SIMC1: variants seen among roughly 807,000 people sequenced by gnomAD.
The protein encoded by SIMC1 is SUMO-interacting motif-containing protein 1.
A neutral mutation model predicts 82.3 loss-of-function variants in SIMC1; 55 were observed. The ratio of observed to expected loss-of-function variants is 0.67; its 90% confidence interval spans 0.54 to 0.84. The LOEUF (loss-of-function observed/expected upper bound fraction) is 0.84, where lower values mean the gene tolerates loss of function less well. Among genes scored for constraint, SIMC1 ranks in the 40% least tolerant of loss-of-function variants. The pLI is 0.00. For synonymous variants in SIMC1, 353 were observed against 426.3 expected, an observed-to-expected ratio of 0.83 and a Z score of 2.12; for missense variants, 915 against 1,107.2, an observed-to-expected ratio of 0.83 and a Z score of 2.46.
intron 9 of SIMC1, among the ~76,000 whole-genome samples, chr5:176,343,961 A>T (rs1766275274): frequency 1.3e-5 from 2 of 151,526 alleles, no homozygotes; most frequent in Admixed American, 1.3e-4. Flanking sequence ...TGCCCAGCTA[A>T]TTTTTTTGTA....
chr5:176,336,658 T>A, intron 7 of SIMC1, 62 bp from the exon 8 acceptor site: 1 of 1,580,992 alleles, frequency 6.3e-7, no homozygotes, highest in Non-Finnish European at 8.6e-7. Context: ...GGGTGAATTG[T>A]GGCTCATGTT....
rs1355859927 is a variant in SIMC1, at chr5:176,290,400, G to A, written c.876G>A (p.Leu292=). The change falls in exon 2 of 10, where the codon CTG becomes CTA. Residue 292 remains leucine, a synonymous_variant. Coordinates refer to ENST00000429602, the MANE Select transcript of SIMC1 (RefSeq NM_001308195.2). ...GCCTACCTCAAGATGTGCCAGGGCT[G>A]CCTCAAAGCATATTACATCCACAAG... The part of the protein sequence containing the change: ...SLGLPQDVPG[L]PQSILHPQDV... 6.2e-7 allele frequency: 1 copy of A among 1,613,982 alleles called. No individual in the cohort carries two copies. The highest frequency in any genetic ancestry group is 2.2e-5 in the East Asian group (1 of 44,890).
chr5:176,317,218 G>A (rs952306804), intron 5 of SIMC1, among the ~76,000 whole-genome samples: 4 of 152,108 alleles, frequency 2.6e-5, no homozygotes, highest in African/African-American at 9.7e-5. Context: ...ACAATTTATT[G>A]TATGTAAATT....
chr5:176,308,904 G>A (rs1713601139), intron 4 of SIMC1: 7 of 1,310,466 alleles, frequency 5.3e-6, no homozygotes, highest in Non-Finnish European at 4.4e-6. Context: ...GCAGTCAGCG[G>A]GCCTCTTCTA....
intron 5 of SIMC1, 39 bp downstream of exon 5, chr5:176,313,884 G>C: frequency 6.2e-7 from 1 of 1,608,004 alleles, no homozygotes; most frequent in African/African-American, 1.3e-5. Flanking sequence ...GAAGAGGTAA[G>C]GGATTATAGG....
chr5:176,340,872 C>T (rs1252365770), intron 9 of SIMC1, among the ~76,000 whole-genome samples: 11 of 152,184 alleles, frequency 7.2e-5, no homozygotes, highest in South Asian at 4.1e-4. Flanking sequence ...GTAGGCGGGG[C>T]GCAAGGGCTC....
At chr5:176,256,119 T>G (rs1315530405) in intron 1 of SIMC1, among the ~76,000 whole-genome samples, 1 of 152,110 alleles carries the variant, frequency 6.6e-6, no homozygotes, top group Non-Finnish European at 1.5e-5. Flanking sequence ...AAACTGATAT[T>G]AGAGAAAGGA....
intron 1 of SIMC1, among the ~76,000 whole-genome samples, chr5:176,284,567 A>T (rs1459838233): frequency 2.0e-5 from 3 of 152,232 alleles, no homozygotes; most frequent in Non-Finnish European, 1.5e-5. Context: ...CCGCAAGAGA[A>T]AGCAGGAAAG....
chr5:176,273,610 C>T (rs766992637), intron 1 of SIMC1, among the ~76,000 whole-genome samples: 1 of 152,140 alleles, frequency 6.6e-6, no homozygotes, highest in Non-Finnish European at 1.5e-5. Context: ...CCCAGTAACT[C>T]GTCATCTAGC....
intron 1 of SIMC1, among the ~76,000 whole-genome samples, chr5:176,240,435 C>T (rs1761244083): frequency 9.8e-6 from 1 of 101,670 alleles, no homozygotes; most frequent in Admixed American, 9.7e-5. Context: ...CGTACATGGG[C>T]GTAGTCTCTC....
intron 1 of SIMC1, among the ~76,000 whole-genome samples, chr5:176,265,304 G>A (rs1002715962): frequency 5.5e-5 from 8 of 146,736 alleles, no homozygotes; most frequent in South Asian, 2.2e-4. Flanking sequence ...GATTCTGACC[G>A]AAACTAATTT....
intron 7 of SIMC1, 86 bp downstream of exon 7, chr5:176,324,843 T>G (rs899603555): frequency 7.0e-7 from 1 of 1,426,968 alleles, no homozygotes; most frequent in East Asian, 2.5e-5. Flanking sequence ...AAATTAACTT[T>G]TCTATCTATG....
chr5:176,340,873 G>A lies in SIMC1; in HGVS notation c.2413+3727G>A, dbSNP rs192339405. ...ATCTAAGACATTAAGTAGGCGGGGC[G>A]CAAGGGCTCACCCCTGTAATCCTAA... On this transcript the variant is annotated intron_variant, in intron 9 of 9. Transcript: ENST00000429602. Among the ~76,000 whole-genome samples, 469 of 152,330 alleles carry A rather than the reference G, an allele frequency of 3.1e-3. 6 individuals are homozygous for A. The highest frequency in any genetic ancestry group is 3.5e-3 in the Non-Finnish European group (238 of 68,036).
intron 4 of SIMC1, among the ~76,000 whole-genome samples, chr5:176,300,949 T>C (rs1310852756): frequency 6.6e-6 from 1 of 152,098 alleles, no homozygotes; most frequent in African/African-American, 2.4e-5. Context: ...GAATCAGTAA[T>C]CAAAAACCTT....
intron 2 of SIMC1, among the ~76,000 whole-genome samples, chr5:176,291,575 A>G (rs867187153): frequency 5.9e-5 from 9 of 151,738 alleles, no homozygotes; most frequent in Non-Finnish European, 5.9e-5. Context: ...TGACCTCGTG[A>G]TCCACCCGCC....
intron 1 of SIMC1, among the ~76,000 whole-genome samples, chr5:176,258,395 T>G (rs1302677388): frequency 6.6e-6 from 1 of 150,652 alleles, no homozygotes; most frequent in African/African-American, 2.4e-5. Flanking sequence ...ACCGCTTGTC[T>G]CCATCTTTAA....
At chr5:176,306,782 C>T (rs917305795) in intron 4 of SIMC1, among the ~76,000 whole-genome samples, 3 of 151,290 alleles carry the variant, frequency 2.0e-5, no homozygotes, top group Admixed American at 6.6e-5. Flanking sequence ...CTGCGGAGGC[C>T]GCAGGGTCCT....
chr5:176,281,647 G>A (rs1381490894), intron 1 of SIMC1, among the ~76,000 whole-genome samples: 1 of 152,202 alleles, frequency 6.6e-6, no homozygotes, highest in Non-Finnish European at 1.5e-5. Context: ...CCTTCTAACA[G>A]ACAGGACCCT....
intron 1 of SIMC1, among the ~76,000 whole-genome samples, chr5:176,282,923 A>G (rs1763081011): frequency 6.6e-6 from 1 of 152,262 alleles, no homozygotes; most frequent in Non-Finnish European, 1.5e-5. Context: ...AAAGGGTATC[A>G]GTGATTGAAG....
Sources: gnomAD v4.1 joint callset for allele counts (sites outside exome capture counted in the v4.1 genomes callset) on GRCh38, gnomAD v4.1.1 for gene constraint, MANE v1.5 for transcripts, NCBI Gene and HGNC (gene_info 2026-07-23, HGNC 2026-07-21) for gene names.